VOPP1: variants seen among roughly 807,000 people sequenced by gnomAD.
VOPP1 encodes the protein WW domain binding protein VOPP1.
VOPP1 carries 8 observed loss-of-function variants against 23.5 expected under a neutral mutation model. The observed-to-expected ratio is 0.34, with a 90% CI of 0.20 to 0.61. The LOEUF (loss-of-function observed/expected upper bound fraction) is 0.61. VOPP1 is among the 20% of genes least tolerant of loss of function. VOPP1 has a pLI of 0.78. For missense variants in VOPP1, 174 were observed against 238.1 expected, an observed-to-expected ratio of 0.73 and a Z score of 1.77; for synonymous variants, 83 against 97.3, an observed-to-expected ratio of 0.85 and a Z score of 0.86.
chr7:55,437,835 G>A (rs959805395), intron 4 of VOPP1, among the ~76,000 whole-genome samples: 4 of 149,344 alleles, frequency 2.7e-5, no homozygotes, highest in South Asian at 2.1e-4. Context: ...GTTTCATTTC[G>A]TTTTTCTTTT....
chr7:55,485,547 AC>A (rs1436640820), intron 4 of VOPP1, among the ~76,000 whole-genome samples: 1 of 152,218 alleles, frequency 6.6e-6, no homozygotes, highest in Non-Finnish European at 1.5e-5. Context: ...TGCAGCACCC[AC>A]GTTTTTCTAT....
At chr7:55,564,982 C>T (rs759680438) in intron 1 of VOPP1, among the ~76,000 whole-genome samples, 8 of 152,122 alleles carry the variant, frequency 5.3e-5, no homozygotes, top group Non-Finnish European at 8.8e-5. Context: ...AGCAATTGAT[C>T]GATTTCAAAC....
rs563445025 is a variant in VOPP1, at chr7:55,531,696, T to C, written c.55-10566A>G. 2.0e-5 allele frequency among the ~76,000 whole-genome samples: 3 copies of C among 152,166 alleles called. No individual in the cohort carries two copies. In the South Asian group the frequency reaches 6.2e-4, roughly 32 times the overall value. On this transcript the variant is annotated intron_variant, in intron 1 of 4. Transcript: ENST00000285279. ...GTAATTGCAGAGTGCAAGAGTAACA[T>C]TATGAAAAAAAAGTCAACAGATCAG...
chr7:55,525,186 C>T (rs945421070), intron 1 of VOPP1, among the ~76,000 whole-genome samples: 5 of 152,080 alleles, frequency 3.3e-5, no homozygotes, highest in Non-Finnish European at 4.4e-5. Flanking sequence ...TCACTCTCCT[C>T]GTTTGTAAGA....
At chr7:55,455,588 C>G (rs1791345819) in intron 4 of VOPP1, among the ~76,000 whole-genome samples, 1 of 152,138 alleles carries the variant, frequency 6.6e-6, no homozygotes, top group Non-Finnish European at 1.5e-5. Flanking sequence ...CAGCATGGTA[C>G]TGGTACCAAA....
Position 55,472,118 on chromosome 7 carries a change from G to T in VOPP1, c.*737C>A, listed in dbSNP as rs1387571624. ...AAATCAGACCAAGAGCTCACAAAAT[G>T]CAATGTCTCAGTTTGGGGCAGGAAG... On this transcript the variant is annotated 3_prime_UTR_variant, in exon 5 of 5. Transcript: ENST00000285279. 1 of 151,848 alleles carries T rather than the reference G, an allele frequency of 6.6e-6. No individual in the cohort carries two copies. Among genetic ancestry groups the T allele is most frequent in the Non-Finnish European group, 1.5e-5 (1 of 68,000 alleles). 9.4% of individuals were successfully genotyped at this position (151,848 alleles called of 1,614,324 possible). A position where few individuals can be genotyped will look rare whatever the true frequency, so the allele number is the denominator to read the frequency against.
At chr7:55,436,713 T>C (rs1045191302) in intron 4 of VOPP1, among the ~76,000 whole-genome samples, 2 of 152,146 alleles carry the variant, frequency 1.3e-5, no homozygotes, top group African/African-American at 4.8e-5. Flanking sequence ...TGCATGCATA[T>C]GTGAATTGGT....
At chr7:55,569,229 AC>A (rs34826121) in intron 1 of VOPP1, among the ~76,000 whole-genome samples, 2 of 152,162 alleles carry the variant, frequency 1.3e-5, no homozygotes, top group African/African-American at 4.8e-5. Flanking sequence ...CTGAAGCCCT[AC>A]CTGGGCTTCA....
chr7:55,448,178 G>A (rs6972560), intron 4 of VOPP1, among the ~76,000 whole-genome samples: 47,555 of 151,956 alleles, frequency 0.31, 8,029 homozygotes, highest in Non-Finnish European at 0.39. Context: ...TTTACTCTGA[G>A]GAAATAAATG....
rs1261595744 is a variant in VOPP1, at chr7:55,471,032, GC to G, written c.*1822del. 6.6e-6 allele frequency: 1 copy of G among 152,148 alleles called. No individual in the cohort carries two copies. The highest frequency in any genetic ancestry group is 1.5e-5 in the Non-Finnish European group (1 of 68,004). The allele number at this position is 152,148 out of a possible 1,614,324, so 9.4% of individuals were successfully genotyped here. ...GAAATTTAGTCACGGACTTTTGGGT[GC>G]CTATTCAGCTGCACCCGATTCCAGG... On this transcript the variant is annotated 3_prime_UTR_variant, in exon 5 of 5. Transcript: ENST00000285279.
At chr7:55,512,618 G>A (rs1026668580) in intron 2 of VOPP1, among the ~76,000 whole-genome samples, 2 of 152,164 alleles carry the variant, frequency 1.3e-5, no homozygotes, top group Admixed American at 1.3e-4. Context: ...CCCCCTCCAG[G>A]CTGCAACCCG....
At chr7:55,456,508 T>C (rs763494888) in intron 4 of VOPP1, among the ~76,000 whole-genome samples, 1 of 152,196 alleles carries the variant, frequency 6.6e-6, no homozygotes, top group Non-Finnish European at 1.5e-5. Context: ...CCTATGTTTA[T>C]TGCAGCACTG....
At chr7:55,513,849 C>A (rs547825313) in intron 2 of VOPP1, among the ~76,000 whole-genome samples, 1 of 152,196 alleles carries the variant, frequency 6.6e-6, no homozygotes, top group African/African-American at 2.4e-5. Flanking sequence ...CATTTCTAAC[C>A]CACCCTCAAT....
At chr7:55,564,227 C>G (rs1413074773) in intron 1 of VOPP1, among the ~76,000 whole-genome samples, 2 of 115,328 alleles carry the variant, frequency 1.7e-5, no homozygotes, top group South Asian at 3.2e-4. Context: ...TCAACACACT[C>G]TTTCTCTCTG....
chr7:55,466,657 T>A (rs977112637), downstream of VOPP1, among the ~76,000 whole-genome samples: 1 of 152,148 alleles, frequency 6.6e-6, no homozygotes. Flanking sequence ...CTTATTTTTT[T>A]AATTTAATTT....
chr7:55,523,047 G>A (rs1795970422), intron 1 of VOPP1, among the ~76,000 whole-genome samples: 1 of 152,202 alleles, frequency 6.6e-6, no homozygotes, highest in Non-Finnish European at 1.5e-5. Context: ...CTTGGTGGGT[G>A]TCTTCTTCTG....
In VOPP1 at chr7:55,449,988, C is replaced by A. The variant is rs573999508; in HGVS notation, n.418-13814G>T. On this transcript the variant is annotated intron_variant and non_coding_transcript_variant, in intron 4 of 4. Transcript: ENST00000462326. The stretch of plus-strand genomic sequence containing the variant: ...GGTGGTCAGCAGACCTTTGGAAATG[C>A]GGTTGGATGAGAAGCCAGGATTTCT... Among the ~76,000 whole-genome samples the A allele has an allele frequency of 5.3e-5, 8 of 152,328 alleles. No individual in the cohort carries two copies. The South Asian group carries it at 1.2e-3, about 24-fold the overall frequency.
At chr7:55,498,577 G>A (rs535312509) in intron 2 of VOPP1, among the ~76,000 whole-genome samples, 78 of 152,264 alleles carry the variant, frequency 5.1e-4, no homozygotes, top group Non-Finnish European at 8.7e-4. Flanking sequence ...AGAGCGTTTC[G>A]AGCCCAAGCA....
At chr7:55,473,341 C>T (rs538673809) in intron 4 of VOPP1, among the ~76,000 whole-genome samples, 7 of 152,324 alleles carry the variant, frequency 4.6e-5, no homozygotes, top group African/African-American at 1.7e-4. Flanking sequence ...GGTGAACTAT[C>T]GGAAGAGCTG....
Sources: gnomAD v4.1 joint callset for allele counts (sites outside exome capture counted in the v4.1 genomes callset) on GRCh38, gnomAD v4.1.1 for gene constraint, MANE v1.5 for transcripts, NCBI Gene and HGNC (gene_info 2026-07-23, HGNC 2026-07-21) for gene names.